The following TTLL7 variants were observed in gnomAD, a reference collection of about 807,000 sequenced individuals.
The protein encoded by TTLL7 is tubulin tyrosine ligase like 7, also known as tubulin polyglutamylase TTLL7.
TTLL7 carries 53 observed loss-of-function variants against 120.2 expected under a neutral mutation model. The ratio of observed to expected loss-of-function variants is 0.44; its 90% CI spans 0.35 to 0.55. TTLL7 has a LOEUF of 0.55. TTLL7 is among the 20% of genes least tolerant of loss of function. TTLL7 has a pLI of 0.00. For synonymous variants in TTLL7, 353 were observed against 351.7 expected, an observed-to-expected ratio of 1.00 and a Z score of -0.04; for missense variants, 803 against 1,054.7, an observed-to-expected ratio of 0.76 and a Z score of 3.31.
rs373641446 is a variant in TTLL7, at chr1:83,988,788, A to G, written c.-177+10143T>C. ...CGGTGGCACGATCTCAGCTCACTGCAGTCTCCGTCTCCCGGATTCAAGCTA... is the reference window on the plus strand; with the variant it reads ...CGGTGGCACGATCTCAGCTCACTGCGGTCTCCGTCTCCCGGATTCAAGCTA... On this transcript the variant is annotated intron_variant, in intron 1 of 20. Transcript: ENST00000260505. Among the ~76,000 whole-genome samples the G allele has an allele frequency of 9.2e-5, 14 of 152,010 alleles. No individual in the cohort carries two copies. The South Asian group carries it at 1.7e-3, about 18-fold the overall frequency.
chr1:83,944,429 G>A (rs555539569), intron 6 of TTLL7, among the ~76,000 whole-genome samples: 39 of 152,264 alleles, frequency 2.6e-4, no homozygotes, highest in East Asian at 3.9e-4. Context: ...AGTTCTGGCC[G>A]GGCACAGTGG....
At chr1:83,962,734 G>T (rs140595955) in intron 1 of TTLL7, among the ~76,000 whole-genome samples, 78 of 152,162 alleles carry the variant, frequency 5.1e-4, no homozygotes, top group African/African-American at 1.6e-3. Flanking sequence ...CACCTCTAAA[G>T]GGAAGTAGAC....
Position 83,866,481 on chromosome 1 carries a change from G to A in TTLL7, c.*3481C>T, listed in dbSNP as rs1652923291. On this transcript the variant is annotated 3_prime_UTR_variant, in exon 21 of 21. Coordinates refer to ENST00000260505, the MANE Select transcript of TTLL7 (RefSeq NM_024686.6). ...TCTAGAAGCTACTATTATCTAGTTG[G>A]GTATAACTATTAGATGAAAAGAAGT... The A allele has an allele frequency of 6.6e-6, 1 of 151,570 alleles. No individual in the cohort carries two copies. Among genetic ancestry groups the A allele is most frequent in the East Asian group, 1.9e-4 (1 of 5,202 alleles). The allele number at this position is 151,570 out of a possible 1,614,324, so 9.4% of individuals were successfully genotyped here.
intron 1 of TTLL7, among the ~76,000 whole-genome samples, chr1:83,959,029 A>G (rs1226605773): frequency 6.6e-6 from 1 of 152,218 alleles, no homozygotes; most frequent in African/African-American, 2.4e-5. Context: ...TTAGGAAATT[A>G]TAACATGATT....
chr1:83,983,275 G>A (rs1652143610), intron 1 of TTLL7, among the ~76,000 whole-genome samples: 1 of 152,154 alleles, frequency 6.6e-6, no homozygotes, highest in South Asian at 2.1e-4. Flanking sequence ...AGGCTGCAGT[G>A]AGCCGAGATC....
At chr1:83,953,282 T>G (rs898817462) in intron 1 of TTLL7, among the ~76,000 whole-genome samples, 1 of 152,172 alleles carries the variant, frequency 6.6e-6, no homozygotes, top group East Asian at 1.9e-4. Context: ...AACTTTCTAA[T>G]TTCTCCTTAT....
intron 10 of TTLL7, among the ~76,000 whole-genome samples, chr1:83,925,497 G>A (rs1470449175): frequency 6.6e-6 from 1 of 152,142 alleles, no homozygotes; most frequent in African/African-American, 2.4e-5. Flanking sequence ...GGTTAGTGCT[G>A]GAAGCAGGAA....
rs1164734907 is a variant in TTLL7, at chr1:83,927,202, A to AAAGCACTGTACT, written c.1142+1922_1142+1933dup. ...TGAACCTGAAGGTCATACTGTAAGCAAAGCACTGTACTAAGCACTGTGAAG... is the reference window on the plus strand; with the variant it reads ...TGAACCTGAAGGTCATACTGTAAGCAAAGCACTGTACTAAGCACTGTACTAAGCACTGTGAAG... On this transcript the variant is annotated intron_variant, in intron 10 of 20. Transcript: ENST00000260505. Among the ~76,000 whole-genome samples, 3 of 152,314 alleles carry AAAGCACTGTACT rather than the reference A, an allele frequency of 2.0e-5. No homozygotes were observed. In the South Asian group the frequency reaches 6.2e-4, roughly 32 times the overall value.
At chr1:83,896,265 C>G (rs1027384661) in intron 18 of TTLL7, among the ~76,000 whole-genome samples, 18 of 152,028 alleles carry the variant, frequency 1.2e-4, no homozygotes, top group African/African-American at 4.3e-4. Flanking sequence ...GCATCCCAAT[C>G]CAACATTAAG....
chr1:83,941,059 T>G (rs1647914054), intron 7 of TTLL7, among the ~76,000 whole-genome samples: 1 of 152,162 alleles, frequency 6.6e-6, no homozygotes, highest in Non-Finnish European at 1.5e-5. Flanking sequence ...TACTCTGTCT[T>G]ACCTCTGAGC....
chr1:83,892,928 G>GAAAGAAAGAAA (rs1553129437), intron 18 of TTLL7, among the ~76,000 whole-genome samples: 6 of 102,668 alleles, frequency 5.8e-5, no homozygotes, highest in East Asian at 3.5e-4. Flanking sequence ...GAAAGAAAAA[G>GAAAGAAAGAAA]AGAAAGAAAG....
At chr1:83,986,779 G>A (rs975271098) in intron 1 of TTLL7, among the ~76,000 whole-genome samples, 1 of 152,178 alleles carries the variant, frequency 6.6e-6, no homozygotes, top group Non-Finnish European at 1.5e-5. Context: ...GGCAGAGGTT[G>A]CAGGGAGCCA....
At chr1:83,927,930 A>C (rs1401251827) in intron 10 of TTLL7, among the ~76,000 whole-genome samples, 1 of 152,168 alleles carries the variant, frequency 6.6e-6, no homozygotes, top group Admixed American at 6.6e-5. Context: ...TCTGAAGCAT[A>C]AGCCTCATTA....
intron 6 of TTLL7, among the ~76,000 whole-genome samples, chr1:83,942,947 T>C (rs1648115053): frequency 6.6e-6 from 1 of 152,212 alleles, no homozygotes; most frequent in Non-Finnish European, 1.5e-5. Flanking sequence ...TAAGTTAATC[T>C]AGTCTCGCCA....
At chr1:83,887,616 C>T (rs1655072177) in intron 19 of TTLL7, among the ~76,000 whole-genome samples, 1 of 152,086 alleles carries the variant, frequency 6.6e-6, no homozygotes, top group African/African-American at 2.4e-5. Flanking sequence ...GCCTCACCTG[C>T]ACAGGCATAG....
intron 1 of TTLL7, among the ~76,000 whole-genome samples, chr1:83,969,961 T>C (rs1250680591): frequency 6.6e-6 from 1 of 152,016 alleles, no homozygotes; most frequent in East Asian, 1.9e-4. Context: ...CCTAAACAAA[T>C]ATGCCTAAAT....
rs192441857 is a variant in TTLL7 at position 83,915,402 on chromosome 1, T to C, written c.1587+2202A>G. Among the ~76,000 whole-genome samples, 180 of 152,336 alleles carry C rather than the reference T, an allele frequency of 1.2e-3. 3 individuals are homozygous for C. The East Asian group carries it at 0.031, about 26-fold the overall frequency. ...AACAAGAAATGGGGAAAGGATTCCC[T>C]ATTTAATAAATGGTGCTGGGAAAAC... On this transcript the variant is annotated intron_variant, in intron 14 of 20. Transcript: ENST00000260505.
At chr1:83,896,489 G>A (rs1557580420) in intron 18 of TTLL7, among the ~76,000 whole-genome samples, 1 of 152,012 alleles carries the variant, frequency 6.6e-6, no homozygotes, top group African/African-American at 2.4e-5. Flanking sequence ...CGAGGTGAAG[G>A]CGGTTTAGAA....
chr1:83,927,221 T>C (rs1026368941), intron 10 of TTLL7, among the ~76,000 whole-genome samples: 2 of 152,176 alleles, frequency 1.3e-5, no homozygotes, highest in African/African-American at 4.8e-5. Context: ...TACTAAGCAC[T>C]GTGAAGCATG....
Sources: allele counts gnomAD v4.1 joint callset (sites outside exome capture counted in the v4.1 genomes callset), GRCh38; gene constraint gnomAD v4.1.1; transcripts MANE v1.5; gene names NCBI Gene and HGNC (gene_info 2026-07-23, HGNC 2026-07-21).